Variants in TRAPPC9 observed in about 807,000 individuals in gnomAD.
TRAPPC9 encodes the protein IKK2 binding protein.
A neutral mutation model predicts 124.0 loss-of-function variants in TRAPPC9; 83 were observed. The observed-to-expected ratio is 0.67, with a 90% CI of 0.56 to 0.80. The LOEUF is 0.80. Among genes scored for constraint, TRAPPC9 ranks in the 30% least tolerant of loss-of-function variants. TRAPPC9 has a pLI of 0.00. For missense variants in TRAPPC9, 1,302 were observed against 1,508.3 expected (o/e 0.86, Z 2.27); for synonymous variants, 638 against 617.5 (o/e 1.03, Z -0.49).
chr8:139,836,519 C>G (rs1006257088), intron 21 of TRAPPC9, among the ~76,000 whole-genome samples: 4 of 152,172 alleles, frequency 2.6e-5, no homozygotes, highest in Non-Finnish European at 5.9e-5. Flanking sequence ...AGGGCCCAGC[C>G]CAGGCCTGCA....
intron 19 of TRAPPC9, among the ~76,000 whole-genome samples, chr8:139,912,722 CCT>C (rs1200091724): frequency 6.6e-6 from 1 of 152,176 alleles, no homozygotes; most frequent in Non-Finnish European, 1.5e-5. Flanking sequence ...CTGAATTACC[CCT>C]GAGGTCTGAA....
At chr8:139,759,144 A>G (rs1820052482) in intron 21 of TRAPPC9, among the ~76,000 whole-genome samples, 1 of 152,164 alleles carries the variant, frequency 6.6e-6, no homozygotes, top group Admixed American at 6.5e-5. Flanking sequence ...CATTTCACAG[A>G]TGAGGAAACC....
At position 140,205,447 on chromosome 8, in the gene TRAPPC9, T is replaced by C. The variant is rs2062896695; in HGVS notation, c.2556+16012A>G. ...CAAAGAGAGTGCTATGTAAATCTCA[T>C]TAACACAGAATTAATGTTCAAGTGC... On this transcript the variant is annotated intron_variant, in intron 17 of 22. Transcript: ENST00000438773. 1.3e-5 allele frequency among the ~76,000 whole-genome samples: 2 copies of C among 152,198 alleles called. 1 individual carries two copies. The highest frequency in any genetic ancestry group is 4.1e-4 in the South Asian group (2 of 4,826).
At chr8:140,258,684 G>T (rs749526088) in intron 15 of TRAPPC9, among the ~76,000 whole-genome samples, 1 of 152,192 alleles carries the variant, frequency 6.6e-6, no homozygotes, top group Non-Finnish European at 1.5e-5. Flanking sequence ...TTCATAAATG[G>T]CATTTTGTCT....
At chr8:139,908,433 C>A (rs1831500759) in intron 20 of TRAPPC9, among the ~76,000 whole-genome samples, 1 of 152,130 alleles carries the variant, frequency 6.6e-6, no homozygotes, top group African/African-American at 2.4e-5. Context: ...AAAGACCCAA[C>A]AGAAAGACAG....
chr8:140,314,973 C>A (rs2066404863), intron 9 of TRAPPC9, among the ~76,000 whole-genome samples: 1 of 152,198 alleles, frequency 6.6e-6, no homozygotes, highest in African/African-American at 2.4e-5. Flanking sequence ...AATGGAAGAT[C>A]ATACAGTGGT....
chr8:139,807,462 C>T (rs1824146333), intron 21 of TRAPPC9, among the ~76,000 whole-genome samples: 1 of 152,046 alleles, frequency 6.6e-6, no homozygotes. Flanking sequence ...TGATTCCCTT[C>T]CATTAATAAA....
chr8:140,266,164 T>A (rs1472074192), intron 15 of TRAPPC9, among the ~76,000 whole-genome samples: 2 of 152,118 alleles, frequency 1.3e-5, no homozygotes, highest in Non-Finnish European at 2.9e-5. Context: ...CATAAAAACT[T>A]GCTTACAAGT....
chr8:139,834,342 G>A (rs956722346), intron 21 of TRAPPC9, among the ~76,000 whole-genome samples: 1 of 152,240 alleles, frequency 6.6e-6, no homozygotes, highest in Non-Finnish European at 1.5e-5. Context: ...TCCAGGGAAG[G>A]CTCCACGGAC....
At chr8:140,410,917 A>G (rs1302124323) in intron 5 of TRAPPC9, among the ~76,000 whole-genome samples, 1 of 152,102 alleles carries the variant, frequency 6.6e-6, no homozygotes, top group Non-Finnish European at 1.5e-5. Context: ...AAAAGGAAAA[A>G]AGATTTTAAA....
intron 17 of TRAPPC9, among the ~76,000 whole-genome samples, chr8:140,031,362 T>C (rs1236838681): frequency 1.3e-5 from 2 of 152,208 alleles, no homozygotes; most frequent in African/African-American, 4.8e-5. Flanking sequence ...CAGTTATTCT[T>C]TATTTTCCTA....
chr8:140,380,810 C>G (rs955673989), intron 7 of TRAPPC9, among the ~76,000 whole-genome samples: 1 of 151,860 alleles, frequency 6.6e-6, no homozygotes, highest in Admixed American at 6.6e-5. Flanking sequence ...CTCGGGTTAG[C>G]AATCTTTTAA....
Position 140,371,189 on chromosome 8 carries a change from C to G in TRAPPC9, c.1135-9G>C, listed in dbSNP as rs1358256770. Reference sequence around the variant, plus strand: ...TTCTCTTCCTCAGAAAGCTGAAGCACAGAGAGAAAGTAAAAAGCTTTTGAA... The same window carrying G: ...TTCTCTTCCTCAGAAAGCTGAAGCAGAGAGAGAAAGTAAAAAGCTTTTGAA... On this transcript the variant is annotated splice_polypyrimidine_tract_variant and intron_variant, in intron 7 of 22. Coordinates refer to ENST00000438773, the MANE Select transcript of TRAPPC9 (RefSeq NM_001160372.4). 7 of 1,603,884 alleles carry G rather than the reference C, an allele frequency of 4.4e-6. No individual in the cohort carries two copies. The highest frequency in any genetic ancestry group is 1.7e-4 in the Middle Eastern group (1 of 6,054).
At chr8:139,954,647 T>C (rs1382492478) in intron 19 of TRAPPC9, among the ~76,000 whole-genome samples, 1 of 152,212 alleles carries the variant, frequency 6.6e-6, no homozygotes, top group Non-Finnish European at 1.5e-5. Flanking sequence ...CGAGGTAATC[T>C]CAGGACCTGT....
chr8:140,340,330 C>T (rs1012271795), intron 9 of TRAPPC9, among the ~76,000 whole-genome samples: 1 of 152,294 alleles, frequency 6.6e-6, no homozygotes, highest in African/African-American at 2.4e-5. Flanking sequence ...CTAAAACTTT[C>T]AATAATACCC....
chr8:140,121,676 C>T (rs1329588789), intron 17 of TRAPPC9, among the ~76,000 whole-genome samples: 1 of 152,212 alleles, frequency 6.6e-6, no homozygotes, highest in East Asian at 1.9e-4. Context: ...GCATGTCTAT[C>T]CTATTGTAAA....
At chr8:140,158,210 G>A (rs1388459281) in intron 17 of TRAPPC9, among the ~76,000 whole-genome samples, 2 of 152,180 alleles carry the variant, frequency 1.3e-5, no homozygotes, top group African/African-American at 4.8e-5. Context: ...CCAATCCCAA[G>A]AACCTGTGAA....
intron 17 of TRAPPC9, among the ~76,000 whole-genome samples, chr8:140,195,673 C>T (rs768086983): frequency 1.0e-4 from 15 of 149,324 alleles, no homozygotes; most frequent in Non-Finnish European, 1.5e-4. Context: ...CTACACAGCT[C>T]GCACCTGTGA....
chr8:140,436,935 A>G (rs1224085500), intron 3 of TRAPPC9, among the ~76,000 whole-genome samples: 1 of 151,966 alleles, frequency 6.6e-6, no homozygotes, highest in African/African-American at 2.4e-5. Context: ...AGCCTCTTTA[A>G]AAAACTAAAT....
Sources: allele counts gnomAD v4.1 joint callset (sites outside exome capture counted in the v4.1 genomes callset), GRCh38; gene constraint gnomAD v4.1.1; transcripts MANE v1.5; gene names NCBI Gene and HGNC (gene_info 2026-07-23, HGNC 2026-07-21).